CCSER1: variants seen among roughly 807,000 people sequenced by gnomAD.
The protein encoded by CCSER1 is serine-rich coiled-coil domain-containing protein 1.
Under a neutral mutation model 82.0 loss-of-function variants are expected in CCSER1, and 41 were observed. The observed-to-expected ratio is 0.50, with a 90% CI of 0.39 to 0.65. The LOEUF (loss-of-function observed/expected upper bound fraction) is 0.65. CCSER1 is among the 30% of genes least tolerant of loss of function. The probability of loss-of-function intolerance (pLI) is 0.00; values close to 1 mark genes in which losing one functional copy is unlikely to be tolerated. For missense variants in CCSER1, 1,119 were observed against 1,064.2 expected, an observed-to-expected ratio of 1.05 and a Z score of -0.72; for synonymous variants, 414 against 383.9, an observed-to-expected ratio of 1.08 and a Z score of -0.92.
At chr4:91,059,475 A>ATATATATATAT (rs1743775888) in intron 9 of CCSER1, among the ~76,000 whole-genome samples, 1 of 147,768 alleles carries the variant, frequency 6.8e-6, no homozygotes, top group African/African-American at 2.5e-5. Context: ...ATATATATAT[A>ATATATATATAT]AGTCTCCAAA....
intron 9 of CCSER1, among the ~76,000 whole-genome samples, chr4:90,969,845 T>G (rs1734920685): frequency 6.6e-6 from 1 of 151,666 alleles, no homozygotes; most frequent in African/African-American, 2.4e-5. Flanking sequence ...AAGACAAAAG[T>G]GTTTAAAATG....
intron 5 of CCSER1, among the ~76,000 whole-genome samples, chr4:90,479,328 CTTCTG>C (rs745848051): frequency 2.0e-5 from 3 of 151,924 alleles, no homozygotes; most frequent in African/African-American, 4.8e-5. Flanking sequence ...TTTTTTCATG[CTTCTG>C]TTCTACTTAG....
At position 91,018,166 on chromosome 4, in the gene CCSER1, A is replaced by G. The variant is rs564285353; in HGVS notation, c.2173-67784A>G. 9.2e-5 allele frequency among the ~76,000 whole-genome samples: 14 copies of G among 152,136 alleles called. 1 individual carries two copies. Among genetic ancestry groups the G allele is most frequent in the Middle Eastern group, 3.4e-3 (1 of 292 alleles). ...AATTAATACTTCGCACAATTCTTTC[A>G]TCTATTTATTTAGCTCAGTACTCTA... On this transcript the variant is annotated intron_variant, in intron 9 of 10. Transcript: ENST00000509176.
chr4:90,613,326 G>A (rs1720605949), intron 5 of CCSER1, among the ~76,000 whole-genome samples: 1 of 152,128 alleles, frequency 6.6e-6, no homozygotes, highest in South Asian at 2.1e-4. Context: ...AGGGTCCAGT[G>A]CAAAATGAAA....
chr4:90,280,395 T>A (rs1354722505), intron 1 of CCSER1, among the ~76,000 whole-genome samples: 1 of 151,728 alleles, frequency 6.6e-6, no homozygotes, highest in Non-Finnish European at 1.5e-5. Flanking sequence ...TTCCATCTCC[T>A]GTTTTTTTCT....
intron 10 of CCSER1, among the ~76,000 whole-genome samples, chr4:91,332,027 C>T (rs889656791): frequency 3.3e-5 from 5 of 152,050 alleles, no homozygotes; most frequent in African/African-American, 4.8e-5. Context: ...GATAATAAGA[C>T]ATTAGATTCT....
chr4:91,093,735 A>C (rs1036529447), intron 10 of CCSER1, among the ~76,000 whole-genome samples: 2 of 152,174 alleles, frequency 1.3e-5, no homozygotes, highest in African/African-American at 4.8e-5. Flanking sequence ...GGCTTTGTCA[A>C]ATCTGGTAGT....
At position 90,808,167 on chromosome 4, in the gene CCSER1, G is replaced by T. The variant is rs575323932; in HGVS notation, c.2011-7595G>T. 2.0e-5 allele frequency among the ~76,000 whole-genome samples: 3 copies of T among 152,236 alleles called. No homozygotes were observed. In the East Asian group the frequency reaches 5.8e-4, roughly 29 times the overall value. On this transcript the variant is annotated intron_variant, in intron 7 of 10. Coordinates refer to ENST00000509176, the MANE Select transcript of CCSER1 (RefSeq NM_001145065.2). The stretch of plus-strand genomic sequence containing the variant: ...AAGAACACCCTATTCAATAAATGAT[G>T]CTGGAAAAATTGGATAGCCAGATGT...
chr4:91,328,317 C>A (rs1746706796), intron 10 of CCSER1, among the ~76,000 whole-genome samples: 1 of 152,126 alleles, frequency 6.6e-6, no homozygotes, highest in Non-Finnish European at 1.5e-5. Context: ...AGGAAACTTA[C>A]AATCATGGCC....
intron 10 of CCSER1, among the ~76,000 whole-genome samples, chr4:91,474,787 GTATATATATATA>G (rs764572024): frequency 3.5e-4 from 47 of 135,170 alleles, no homozygotes; most frequent in Middle Eastern, 7.5e-3. Context: ...ATATATTTGT[GTATATATATATA>G]TATATATATA....
intron 9 of CCSER1, among the ~76,000 whole-genome samples, chr4:90,980,618 T>C (rs553711144): frequency 4.0e-5 from 6 of 151,764 alleles, no homozygotes; most frequent in Admixed American, 2.0e-4. Context: ...ATACTAAGTG[T>C]AGACTGAGCT....
At chr4:91,179,748 A>G (rs895608469) in intron 10 of CCSER1, among the ~76,000 whole-genome samples, 1 of 152,190 alleles carries the variant, frequency 6.6e-6, no homozygotes, top group Non-Finnish European at 1.5e-5. Flanking sequence ...GGGTTTGAAC[A>G]TCCTCCTTTA....
intron 10 of CCSER1, among the ~76,000 whole-genome samples, chr4:91,543,184 C>A (rs1761698418): frequency 6.6e-6 from 1 of 152,066 alleles, no homozygotes; most frequent in South Asian, 2.1e-4. Flanking sequence ...TTATTTTGAA[C>A]CTATGTGTGT....
intron 8 of CCSER1, among the ~76,000 whole-genome samples, chr4:90,916,066 T>C (rs1727344750): frequency 6.6e-6 from 1 of 152,106 alleles, no homozygotes; most frequent in Admixed American, 6.6e-5. Context: ...GAAGAATCAA[T>C]ATCATGAAAA....
At chr4:90,180,456 G>T (rs1375173432) in intron 1 of CCSER1, among the ~76,000 whole-genome samples, 2 of 151,980 alleles carry the variant, frequency 1.3e-5, no homozygotes, top group East Asian at 3.9e-4. Flanking sequence ...AGGCCTGGTG[G>T]CAGGCACCCA....
intron 10 of CCSER1, among the ~76,000 whole-genome samples, chr4:91,163,255 T>C (rs933172996): frequency 1.6e-4 from 24 of 152,264 alleles, no homozygotes; most frequent in African/African-American, 5.8e-4. Flanking sequence ...GTGAGTTTCT[T>C]AATCCTGAGT....
chr4:90,923,178 G>A (rs1728625830), intron 8 of CCSER1, among the ~76,000 whole-genome samples, 192 bp from the exon 9 acceptor site: 1 of 152,128 alleles, frequency 6.6e-6, no homozygotes, highest in Admixed American at 6.6e-5. Context: ...AGATGCTTAA[G>A]GTGGGACAGT....
intron 10 of CCSER1, among the ~76,000 whole-genome samples, chr4:91,437,215 G>A (rs1314525218): frequency 6.6e-6 from 1 of 152,156 alleles, no homozygotes; most frequent in African/African-American, 2.4e-5. Flanking sequence ...CATATCTAAA[G>A]ATATCAGAAT....
intron 10 of CCSER1, among the ~76,000 whole-genome samples, chr4:91,361,975 C>A (rs1749276106): frequency 6.6e-6 from 1 of 151,668 alleles, no homozygotes; most frequent in African/African-American, 2.4e-5. Flanking sequence ...TTACAAAAAA[C>A]CTCTCTGAGC....
Sources: gnomAD v4.1 joint callset for allele counts (sites outside exome capture counted in the v4.1 genomes callset) on GRCh38, gnomAD v4.1.1 for gene constraint, MANE v1.5 for transcripts, NCBI Gene and HGNC (gene_info 2026-07-23, HGNC 2026-07-21) for gene names.